SH3YL1: variants seen among roughly 807,000 people sequenced by gnomAD.
SH3YL1 encodes SH3 and SYLF domain containing 1.
Under a neutral mutation model 45.8 loss-of-function variants are expected in SH3YL1, and 41 were observed. The observed-to-expected ratio is 0.89, with a 90% CI of 0.70 to 1.16. The LOEUF is 1.16. Ranked by LOEUF, SH3YL1 falls within the 50% of genes most tolerant of loss-of-function variation. The probability of loss-of-function intolerance (pLI) is 0.00; values close to 1 mark genes in which losing one functional copy is unlikely to be tolerated. For synonymous variants in SH3YL1, 152 were observed against 151.4 expected (o/e 1.00, Z -0.03); for missense variants, 389 against 409.6 (o/e 0.95, Z 0.43).
At chr2:223,511 T>G (rs1341097257) in intron 9 of SH3YL1, among the ~76,000 whole-genome samples, 1 of 152,192 alleles carries the variant, frequency 6.6e-6, no homozygotes, top group Non-Finnish European at 1.5e-5. Context: ...CTTGAGTCTT[T>G]AAAAGTAAGA....
At chr2:262,380 G>C (rs1464481655) in intron 1 of SH3YL1, 1 of 284,334 alleles carries the variant, frequency 3.5e-6, no homozygotes, top group African/African-American at 2.2e-5. Flanking sequence ...CCCAGGCTGT[G>C]GCTGGGGAAG....
At chr2:247,859 G>A (rs1313050417) in intron 3 of SH3YL1, among the ~76,000 whole-genome samples, 3 of 152,118 alleles carry the variant, frequency 2.0e-5, no homozygotes, top group Non-Finnish European at 4.4e-5. Context: ...CTACCAACAT[G>A]CATAAGACCA....
intron 8 of SH3YL1, among the ~76,000 whole-genome samples, chr2:227,404 T>A (rs760491446): frequency 1.3e-5 from 2 of 152,064 alleles, no homozygotes; most frequent in African/African-American, 4.8e-5. Context: ...TGGAAAAAAA[T>A]CTGAAATAAA....
intron 9 of SH3YL1, among the ~76,000 whole-genome samples, chr2:223,825 C>T (rs567044031): frequency 6.6e-6 from 1 of 152,284 alleles, no homozygotes; most frequent in East Asian, 1.9e-4. Flanking sequence ...ATACAGGACT[C>T]TAGGAGCAGA....
At chr2:253,918 C>A (rs192469494) in intron 1 of SH3YL1, among the ~76,000 whole-genome samples, 5 of 152,170 alleles carry the variant, frequency 3.3e-5, no homozygotes. Context: ...CCTAATAAAT[C>A]AAATCTATGC....
intron 1 of SH3YL1, among the ~76,000 whole-genome samples, chr2:257,382 C>T (rs1669387776): frequency 6.6e-6 from 1 of 152,180 alleles, no homozygotes; most frequent in African/African-American, 2.4e-5. Context: ...ATTGTTAAAA[C>T]AGGCTAAATG....
intron 4 of SH3YL1, among the ~76,000 whole-genome samples, chr2:236,343 C>A (rs1017801283): frequency 6.6e-6 from 1 of 152,088 alleles, no homozygotes; most frequent in African/African-American, 2.4e-5. Flanking sequence ...ACTTTGGGGT[C>A]TTTTAACCAG....
chr2:233,499 A>T lies in SH3YL1; in HGVS notation c.405-270T>A, dbSNP rs1281958438. Among the ~76,000 whole-genome samples, 6 of 152,252 alleles carry T rather than the reference A, an allele frequency of 3.9e-5. No homozygotes were observed. The East Asian group carries it at 1.2e-3, about 29-fold the overall frequency. Reference sequence around the variant, plus strand: ...AAAAAGAATACAGTGCAGCATGTGTAAATATATTTTAAAAATTTGTAAATC... The same window carrying T: ...AAAAAGAATACAGTGCAGCATGTGTTAATATATTTTAAAAATTTGTAAATC... On this transcript the variant is annotated intron_variant, in intron 5 of 9. Transcript: ENST00000356150.
intron 1 of SH3YL1, chr2:262,534 A>G: frequency 3.2e-6 from 4 of 1,266,010 alleles, no homozygotes; most frequent in Non-Finnish European, 4.2e-6. Flanking sequence ...GATCTTTTAG[A>G]GTAAAAAATG....
At chr2:252,037 T>C (rs767720388) in intron 2 of SH3YL1, among the ~76,000 whole-genome samples, 1 of 152,178 alleles carries the variant, frequency 6.6e-6, no homozygotes, top group Non-Finnish European at 1.5e-5. Context: ...GAAGTGGTGA[T>C]GAACAGATAG....
intron 7 of SH3YL1, 63 bp downstream of exon 7, chr2:230,960 C>T: frequency 1.3e-6 from 2 of 1,526,168 alleles, no homozygotes; most frequent in Non-Finnish European, 9.1e-7. Context: ...ATATCAGGGA[C>T]AGAATGTTCT....
intron 8 of SH3YL1, among the ~76,000 whole-genome samples, chr2:226,277 A>G (rs1347546100): frequency 6.6e-6 from 1 of 152,210 alleles, no homozygotes; most frequent in African/African-American, 2.4e-5. Context: ...TGGTAAGTGT[A>G]GAAATATGCT....
rs1669003754 is a variant in SH3YL1 at position 249,864 on chromosome 2, T to C, written c.113-20A>G. 1 of 1,501,718 alleles carries C rather than the reference T, an allele frequency of 6.7e-7. No homozygotes were observed. Among genetic ancestry groups the C allele is most frequent in the South Asian group, 1.2e-5 (1 of 83,052 alleles). 93.0% of individuals were successfully genotyped at this position (1,501,718 alleles called of 1,614,324 possible). On this transcript the variant is annotated intron_variant, in intron 2 of 9. Coordinates refer to ENST00000356150, the MANE Select transcript of SH3YL1 (RefSeq NM_015677.4). ...CGTGAGCTGTTAACGTGGAAAACAA[T>C]GGGAAGGTAAGCATTTTGATCTATG...
Position 234,203 on chromosome 2 carries a change from T to C in SH3YL1, c.361A>G (p.Thr121Ala), listed in dbSNP as rs755947134. The C allele has an allele frequency of 6.2e-7, 1 of 1,614,090 alleles. No homozygotes were observed. The highest frequency in any genetic ancestry group is 1.1e-5 in the South Asian group (1 of 91,078). Residue 121 changes from threonine to alanine, a missense_variant, in exon 5 of 10, where the codon ACC (threonine) becomes GCC (alanine). Physicochemically the swap from Thr to Ala is moderately conservative, Grantham distance 58 (BLOSUM62 0). Transcript: ENST00000356150. ...GCCACAGTCAAGTTCCCTCCGAGGG[T>C]CAGATTTCCGCCTTTTGCAAAAGCT... ...VEAFAKGGNL[T>A]LGGNLTVAVG...
intron 4 of SH3YL1, 120 bp downstream of exon 4, chr2:247,418 T>C: frequency 1.5e-6 from 1 of 669,482 alleles, no homozygotes. Flanking sequence ...AAGGAAACAA[T>C]TTTTCCTAAG....
chr2:253,123 A>G lies in SH3YL1; in HGVS notation c.2-8T>C. On this transcript the variant is annotated splice_polypyrimidine_tract_variant and splice_region_variant and intron_variant, in intron 1 of 9. Transcript: ENST00000356150. ...AAGGTATAGGGTTATTCACTGAAACATAACAAAAGATATTTTAATGAAAAA... is the reference window on the plus strand; with the variant it reads ...AAGGTATAGGGTTATTCACTGAAACGTAACAAAAGATATTTTAATGAAAAA... 2 of 1,381,706 alleles carry G rather than the reference A, an allele frequency of 1.4e-6. No homozygotes were observed. Among genetic ancestry groups the G allele is most frequent in the Non-Finnish European group, 2.0e-6 (2 of 1,010,798 alleles). 85.6% of individuals were successfully genotyped at this position (1,381,706 alleles called of 1,614,324 possible).
Position 239,278 on chromosome 2 carries a change from A to G in SH3YL1, c.292-5006T>C, listed in dbSNP as rs145642406. On this transcript the variant is annotated intron_variant, in intron 4 of 9. Transcript: ENST00000356150. ...TCCTAAGGCATCCATTGCAACTAAT[A>G]GGTTAGCATCTCCCCAGATATTCTA... Among the ~76,000 whole-genome samples the G allele has an allele frequency of 1.3e-3, 193 of 152,366 alleles. 1 individual carries two copies. The highest frequency in any genetic ancestry group is 1.6e-3 in the Non-Finnish European group (109 of 68,036).
intron 8 of SH3YL1, among the ~76,000 whole-genome samples, chr2:228,119 G>A (rs1667865236): frequency 6.6e-6 from 1 of 152,212 alleles, no homozygotes. Flanking sequence ...CACAAAGGAT[G>A]AAGCTGAAAA....
chr2:233,348 G>T, intron 5 of SH3YL1, 119 bp from the exon 6 acceptor site: 1 of 1,131,478 alleles, frequency 8.8e-7, no homozygotes, highest in Non-Finnish European at 1.2e-6. Context: ...TTCTTCAGCT[G>T]TTTCTATGTT....
Sources: allele counts gnomAD v4.1 joint callset (sites outside exome capture counted in the v4.1 genomes callset), GRCh38; gene constraint gnomAD v4.1.1; transcripts MANE v1.5; gene names NCBI Gene and HGNC (gene_info 2026-07-23, HGNC 2026-07-21).